TMEM216: variants seen among roughly 807,000 people sequenced by gnomAD.
TMEM216 encodes cerebello-oculo-renal syndrome 2.
A neutral mutation model predicts 17.8 loss-of-function variants in TMEM216; 15 were observed. That is an observed-to-expected ratio of 0.84 (90% CI 0.56 to 1.30). The LOEUF is 1.30. Among genes scored for constraint, TMEM216 ranks in the 50% most tolerant of loss-of-function variants. The probability of loss-of-function intolerance (pLI) is 0.00; values close to 1 mark genes in which losing one functional copy is unlikely to be tolerated. For missense variants in TMEM216, 160 were observed against 175.7 expected, an observed-to-expected ratio of 0.91 and a Z score of 0.51; for synonymous variants, 58 against 73.5, an observed-to-expected ratio of 0.79 and a Z score of 1.08.
rs968276727 is a variant in TMEM216, at chr11:61,398,169, C to T, written c.432-101C>T. The T allele has an allele frequency of 2.7e-6, 4 of 1,494,716 alleles. No individual in the cohort carries two copies. The African/African-American group carries it at 4.1e-5, about 15-fold the overall frequency. The allele number at this position is 1,494,716 out of a possible 1,614,324, so 92.6% of individuals were successfully genotyped here. On this transcript the variant is annotated intron_variant, in intron 4 of 4. Transcript: ENST00000515837. Reference sequence around the variant, plus strand: ...CACTCAGGGAAGATACTCTCCCTATCCTTTGGGGCCAGGAGGCTTGGAATA... The same window carrying T: ...CACTCAGGGAAGATACTCTCCCTATTCTTTGGGGCCAGGAGGCTTGGAATA...
At chr11:61,393,401 G>T (rs1398288492) in intron 2 of TMEM216, 69 bp downstream of exon 2, 3 of 1,130,896 alleles carry the variant, frequency 2.7e-6, no homozygotes, top group Admixed American at 4.1e-5. Flanking sequence ...TTCCTACCAA[G>T]AACCTTCTTA....
intron 3 of TMEM216, among the ~76,000 whole-genome samples, chr11:61,397,288 T>C (rs977832697): frequency 6.6e-6 from 1 of 151,720 alleles, no homozygotes; most frequent in Non-Finnish European, 1.5e-5. Flanking sequence ...TGCCTCAGCC[T>C]CCCGAGTAGC....
intron 3 of TMEM216, 65 bp from the exon 4 acceptor site, chr11:61,397,709 C>G (rs556247849): frequency 3.4e-6 from 5 of 1,471,918 alleles, no homozygotes; most frequent in Non-Finnish European, 4.7e-6. Context: ...ACATCTCCCA[C>G]GCCTTTCCCC....
Position 61,393,891 on chromosome 11 carries a change from G to T in TMEM216, c.144G>T (p.Leu48=). The change falls in exon 3 of 5, where the codon CTG becomes CTT. Residue 48 remains leucine, a synonymous_variant. Coordinates refer to ENST00000515837, the MANE Select transcript of TMEM216 (RefSeq NM_001173990.3). ...TGGCTTTTGTATTGGCAGGTGTCCT[G>T]CTACCATATCCAACAGCTAACCTAG... ...ELFIFLYKGV[L]LPYPTANLVL... is the part of the protein sequence containing the mutation. The T allele has an allele frequency of 1.2e-6, 2 of 1,613,604 alleles. No individual in the cohort carries two copies. Among genetic ancestry groups the T allele is most frequent in the African/African-American group, 2.7e-5 (2 of 75,034 alleles).
intron 1 of TMEM216, chr11:61,392,878 C>T (rs982777920): frequency 1.1e-5 from 11 of 985,262 alleles, no homozygotes; most frequent in Middle Eastern, 5.2e-4. Flanking sequence ...CTTGGCTGGG[C>T]CACTTCTAGG....
chr11:61,396,045 A>G (rs1858790588), intron 3 of TMEM216, among the ~76,000 whole-genome samples: 1 of 152,226 alleles, frequency 6.6e-6, no homozygotes, highest in Non-Finnish European at 1.5e-5. Flanking sequence ...AATTCCACAG[A>G]TATGCGAAGA....
At chr11:61,398,033 AG>A in intron 4 of TMEM216, 58 bp downstream of exon 4, 1 of 1,590,678 alleles carries the variant, frequency 6.3e-7, no homozygotes, top group Non-Finnish European at 8.6e-7. Flanking sequence ...CATCCCAGGG[AG>A]GGATTCAGTA....
chr11:61,397,758 G>A lies in TMEM216; in HGVS notation c.230-16G>A, dbSNP rs762030694. ...GCAGACCATTTGGAGATGACTCCAT[G>A]GGCTGTGTCTGACAGGTACAAAGGG... On this transcript the variant is annotated splice_polypyrimidine_tract_variant and intron_variant, in intron 3 of 4. Coordinates refer to ENST00000515837, the MANE Select transcript of TMEM216 (RefSeq NM_001173990.3). 4.3e-6 allele frequency: 7 copies of A among 1,609,814 alleles called. No homozygotes were observed. The South Asian group carries it at 6.6e-5, about 15-fold the overall frequency.
intron 2 of TMEM216, 122 bp from the exon 3 acceptor site, chr11:61,393,762 C>T: frequency 1.5e-6 from 1 of 674,844 alleles, no homozygotes; most frequent in Non-Finnish European, 2.6e-6. Flanking sequence ...GTAATAATGC[C>T]CACATCTCAC....
chr11:61,398,129 AG>A, intron 4 of TMEM216, 140 bp from the exon 5 acceptor site: 1 of 1,394,636 alleles, frequency 7.2e-7, no homozygotes, highest in Non-Finnish European at 1.0e-6. Context: ...TGTTTAGGGT[AG>A]GTAGATCGTT....
At chr11:61,396,084 A>G (rs1858791735) in intron 3 of TMEM216, among the ~76,000 whole-genome samples, 1 of 152,238 alleles carries the variant, frequency 6.6e-6, no homozygotes, top group African/African-American at 2.4e-5. Context: ...TATTGCCAAA[A>G]ATTTGGTAAC....
chr11:61,398,265 G>A lies in TMEM216; in HGVS notation c.432-5G>A. ...TTTTCTTTCTTTCTGCCATCGTATG[G>A]ACAGGATTTGAAGTACAGAATTTCA... On this transcript the variant is annotated splice_polypyrimidine_tract_variant and splice_region_variant and intron_variant, in intron 4 of 4. Coordinates refer to ENST00000515837, the MANE Select transcript of TMEM216 (RefSeq NM_001173990.3). 1.2e-6 allele frequency: 2 copies of A among 1,611,888 alleles called. No individual in the cohort carries two copies. The highest frequency in any genetic ancestry group is 1.7e-4 in the Middle Eastern group (1 of 6,058).
chr11:61,396,069 A>T (rs932230356), intron 3 of TMEM216, among the ~76,000 whole-genome samples: 2 of 152,252 alleles, frequency 1.3e-5, no homozygotes, highest in Non-Finnish European at 1.5e-5. Flanking sequence ...CTATATGAGA[A>T]TGTTTATTGC....
Position 61,393,889 on chromosome 11 carries a change from C to T in TMEM216, c.142C>T (p.Leu48=), listed in dbSNP as rs761942783. ...ELFIFLYKGV[L]LPYPTANLVL... Reference sequence around the variant, plus strand: ...TCTGGCTTTTGTATTGGCAGGTGTCCTGCTACCATATCCAACAGCTAACCT... The same window carrying T: ...TCTGGCTTTTGTATTGGCAGGTGTCTTGCTACCATATCCAACAGCTAACCT... Residue 48 remains leucine (L), a synonymous_variant, in exon 3 of 5, where the codon CTG becomes TTG. Coordinates refer to ENST00000515837, the MANE Select transcript of TMEM216 (RefSeq NM_001173990.3). The T allele has an allele frequency of 6.2e-7, 1 of 1,613,502 alleles. No individual in the cohort carries two copies. The highest frequency in any genetic ancestry group is 1.3e-5 in the African/African-American group (1 of 75,046).
chr11:61,397,354 A>G (rs1858822858), intron 3 of TMEM216, among the ~76,000 whole-genome samples: 1 of 151,914 alleles, frequency 6.6e-6, no homozygotes, highest in Non-Finnish European at 1.5e-5. Context: ...TTTTTAGTAG[A>G]GATGGGGTTT....
intron 3 of TMEM216, among the ~76,000 whole-genome samples, chr11:61,395,269 G>A (rs142335709): frequency 2.0e-3 from 307 of 152,252 alleles, no homozygotes; most frequent in Non-Finnish European, 3.2e-3. Context: ...GAGCCAACAT[G>A]CCTGGCCTGT....
At chr11:61,394,153 G>C (rs1858745496) in intron 3 of TMEM216, 177 bp downstream of exon 3, 1 of 590,824 alleles carries the variant, frequency 1.7e-6, no homozygotes, top group African/African-American at 1.9e-5. Context: ...AGATTTACCT[G>C]TTTGTTGCTC....
rs1339923552 is a variant in TMEM216 at position 61,393,982 on chromosome 11, T to C, written c.229+6T>C. 1.2e-6 allele frequency: 2 copies of C among 1,613,400 alleles called. No homozygotes were observed. The highest frequency in any genetic ancestry group is 3.3e-5 in the Admixed American group (2 of 60,028). On this transcript the variant is annotated splice_donor_region_variant and intron_variant, in intron 3 of 4. Transcript: ENST00000515837. ...AGTAATTCGCCTGTTTTTTGGTAAG[T>C]GTTGTCCAGAGAATATTTCCACTCC...
At chr11:61,392,886 A>G (rs908561045) in intron 1 of TMEM216, 6 of 985,232 alleles carry the variant, frequency 6.1e-6, no homozygotes, top group Non-Finnish European at 7.2e-6. Context: ...GGCCACTTCT[A>G]GGCTGGCTCA....
Sources: allele counts gnomAD v4.1 joint callset (sites outside exome capture counted in the v4.1 genomes callset), GRCh38; gene constraint gnomAD v4.1.1; transcripts MANE v1.5; gene names NCBI Gene and HGNC (gene_info 2026-07-23, HGNC 2026-07-21).